Variants in EFHC2 observed in about 807,000 individuals in gnomAD.
EFHC2 encodes EF-hand domain-containing family member C2.
In EFHC2, 18 loss-of-function variants were observed where a neutral mutation model predicts 52.7. That is an observed-to-expected ratio of 0.34 (90% CI 0.24 to 0.51). The LOEUF is 0.51. Among genes scored for constraint, EFHC2 ranks in the 20% least tolerant of loss-of-function variants. The pLI, the probability that EFHC2 is intolerant of heterozygous loss-of-function variation, is 0.97. For synonymous variants in EFHC2, 203 were observed against 204.1 expected (o/e 0.99, Z 0.04); for missense variants, 513 against 562.5 (o/e 0.91, Z 0.89).
At chrX:44,337,536 T>C (rs1205144533) in intron 1 of EFHC2, among the ~76,000 whole-genome samples, 1 of 111,896 alleles carries the variant, frequency 8.9e-6, no homozygotes, top group African/African-American at 3.2e-5. Flanking sequence ...GGTAAATAAG[T>C]TGGCTGAAAT....
chrX:44,229,823 A>G (rs756852201), intron 10 of EFHC2, 44 bp from the exon 11 acceptor site: 104 of 1,155,609 alleles, frequency 9.0e-5, no homozygotes, highest in Non-Finnish European at 1.2e-4. Flanking sequence ...AAATATTCCT[A>G]ACAGTTCAGG....
chrX:44,342,401 T>G (rs756565695), intron 1 of EFHC2, among the ~76,000 whole-genome samples: 2 of 112,349 alleles, frequency 1.8e-5, no homozygotes, highest in East Asian at 5.6e-4. Context: ...TAATTGGGAA[T>G]TAGCTTCTCC....
At chrX:44,219,894 C>T (rs2037180796) in intron 11 of EFHC2, among the ~76,000 whole-genome samples, 1 of 111,388 alleles carries the variant, frequency 9.0e-6, no homozygotes, top group African/African-American at 3.3e-5. Context: ...GAACATTCTG[C>T]CAGCATCTGC....
chrX:44,211,716 C>CA (rs1235101243), intron 11 of EFHC2, among the ~76,000 whole-genome samples: 58 of 105,623 alleles, frequency 5.5e-4, no homozygotes, highest in African/African-American at 1.9e-3. Context: ...AAAAAAAATA[C>CA]AAAAAATTAG....
Position 44,171,312 on chromosome X carries a change from C to T in EFHC2, c.2042+4980G>A, listed in dbSNP as rs776685303. Among the ~76,000 whole-genome samples, 6 of 111,675 alleles carry T rather than the reference C, an allele frequency of 5.4e-5. 1 individual carries two copies. The Admixed American group carries it at 5.7e-4, about 11-fold the overall frequency. On this transcript the variant is annotated intron_variant, in intron 13 of 14. Transcript: ENST00000420999. ...CATCTTCTTGCTACGGGGAATAATC[C>T]TGAACTGCTCTATTTCCACCCTTGA...
chrX:44,230,123 A>G (rs1156456944), intron 10 of EFHC2, among the ~76,000 whole-genome samples: 1 of 111,152 alleles, frequency 9.0e-6, no homozygotes, highest in African/African-American at 3.3e-5. Context: ...AATGGAGAAA[A>G]TGGGGATTCA....
At chrX:44,287,640 C>G in intron 2 of EFHC2, among the ~76,000 whole-genome samples, 1 of 112,645 alleles carries the variant, frequency 8.9e-6, no homozygotes. Context: ...GATAGATATT[C>G]CATTGAACCT....
chrX:44,282,979 G>A (rs1395444125), intron 2 of EFHC2, among the ~76,000 whole-genome samples: 1 of 109,509 alleles, frequency 9.1e-6, no homozygotes, highest in Non-Finnish European at 1.9e-5. Flanking sequence ...AGGTGATGGG[G>A]GCTGGGCAGG....
chrX:44,167,880 G>A (rs973023606), intron 13 of EFHC2, among the ~76,000 whole-genome samples: 2 of 111,750 alleles, frequency 1.8e-5, no homozygotes, highest in Non-Finnish European at 3.8e-5. Context: ...AGTAAATCAC[G>A]ATGAATCAAT....
intron 11 of EFHC2, among the ~76,000 whole-genome samples, chrX:44,195,492 C>A (rs2036958726): frequency 9.0e-6 from 1 of 110,905 alleles, no homozygotes; most frequent in Non-Finnish European, 1.9e-5. Context: ...ATTTATTACA[C>A]ATCAAAATTC....
chrX:44,165,916 T>C (rs747468226), intron 13 of EFHC2, among the ~76,000 whole-genome samples: 1 of 111,167 alleles, frequency 9.0e-6, no homozygotes, highest in South Asian at 4.0e-4. Context: ...TGCCATGTAA[T>C]CCTGTAAGGA....
At chrX:44,269,433 C>A (rs1422032508) in intron 3 of EFHC2, among the ~76,000 whole-genome samples, 4 of 110,420 alleles carry the variant, frequency 3.6e-5, no homozygotes, top group Non-Finnish European at 7.6e-5. Flanking sequence ...AATGTGATCC[C>A]CAGTGTTGGA....
intron 8 of EFHC2, among the ~76,000 whole-genome samples, chrX:44,239,742 T>A (rs1214695731): frequency 2.7e-5 from 3 of 112,213 alleles, no homozygotes; most frequent in African/African-American, 9.7e-5. Flanking sequence ...AATGGCTTAT[T>A]ATGAGTAATC....
At chrX:44,195,919 T>C (rs2036962324) in intron 11 of EFHC2, among the ~76,000 whole-genome samples, 2 of 111,336 alleles carry the variant, frequency 1.8e-5, no homozygotes, top group Admixed American at 1.9e-4. Context: ...TTTTTGTTTG[T>C]TTGCTTGTTT....
At chrX:44,258,730 C>T (rs1027837803) in intron 4 of EFHC2, among the ~76,000 whole-genome samples, 7 of 109,686 alleles carry the variant, frequency 6.4e-5, no homozygotes, top group African/African-American at 2.3e-4. Flanking sequence ...GGTGGCAGGC[C>T]TCTGTAATCC....
At chrX:44,202,999 TCCCCACCAGGG>T (rs1482661524) in intron 11 of EFHC2, among the ~76,000 whole-genome samples, 1 of 110,998 alleles carries the variant, frequency 9.0e-6, no homozygotes, top group African/African-American at 3.3e-5. Flanking sequence ...GCAGCAGATC[TCCCCACCAGGG>T]CCCCATGAGC....
intron 14 of EFHC2, among the ~76,000 whole-genome samples, chrX:44,158,414 T>C (rs958654037): frequency 4.5e-5 from 5 of 111,351 alleles, no homozygotes; most frequent in Non-Finnish European, 7.5e-5. Context: ...CAAGCCAGCC[T>C]GTCCGGCTCA....
intron 2 of EFHC2, among the ~76,000 whole-genome samples, chrX:44,301,225 T>G (rs1264049718): frequency 9.1e-6 from 1 of 109,368 alleles, no homozygotes; most frequent in East Asian, 2.8e-4. Context: ...CATCTGGCCT[T>G]GTGGCCCCCA....
chrX:44,184,602 A>G (rs2036859692), intron 11 of EFHC2, among the ~76,000 whole-genome samples: 1 of 110,376 alleles, frequency 9.1e-6, no homozygotes, highest in Admixed American at 9.7e-5. Context: ...GCACGCCTGT[A>G]GTCCCAGCTA....
Sources: allele counts gnomAD v4.1 joint callset (sites outside exome capture counted in the v4.1 genomes callset), GRCh38; gene constraint gnomAD v4.1.1; transcripts MANE v1.5; gene names NCBI Gene and HGNC (gene_info 2026-07-23, HGNC 2026-07-21).